LIMCH1: variants seen among roughly 807,000 people sequenced by gnomAD.
The protein encoded by LIMCH1 is LIM and calponin homology domains 1.
A neutral mutation model predicts 176.5 loss-of-function variants in LIMCH1; 113 were observed. That is an observed-to-expected ratio of 0.64 (90% CI 0.55 to 0.75). LIMCH1 has a LOEUF of 0.75. Among genes scored for constraint, LIMCH1 ranks in the 30% least tolerant of loss-of-function variants. The probability of loss-of-function intolerance (pLI) is 0.00; values close to 1 mark genes in which losing one functional copy is unlikely to be tolerated. For missense variants in LIMCH1, 1,674 were observed against 1,814.9 expected, an observed-to-expected ratio of 0.92 and a Z score of 1.41; for synonymous variants, 619 against 645.9, an observed-to-expected ratio of 0.96 and a Z score of 0.63.
intron 1 of LIMCH1, among the ~76,000 whole-genome samples, chr4:41,404,396 A>G (rs941426151): frequency 6.6e-6 from 1 of 152,166 alleles, no homozygotes; most frequent in Admixed American, 6.5e-5. Flanking sequence ...TTCTTGAGAA[A>G]GAGTGATATC....
chr4:41,586,116 C>T (rs1393722562), intron 1 of LIMCH1, among the ~76,000 whole-genome samples: 2 of 143,128 alleles, frequency 1.4e-5, no homozygotes, highest in African/African-American at 2.6e-5. Flanking sequence ...CTCCTCTCCC[C>T]TTCCCTTTTT....
At chr4:41,488,274 A>C (rs2070085672) in intron 1 of LIMCH1, among the ~76,000 whole-genome samples, 1 of 152,250 alleles carries the variant, frequency 6.6e-6, no homozygotes, top group Non-Finnish European at 1.5e-5. Flanking sequence ...AGAGAGGCTT[A>C]GTGATGTTTC....
intron 4 of LIMCH1, among the ~76,000 whole-genome samples, chr4:41,608,004 C>G (rs1179040363): frequency 5.3e-5 from 8 of 152,126 alleles, no homozygotes; most frequent in Non-Finnish European, 1.2e-4. Context: ...ACACAAAAGC[C>G]TCAAAATAAC....
intron 1 of LIMCH1, among the ~76,000 whole-genome samples, chr4:41,574,544 C>T (rs2084130470): frequency 6.6e-6 from 1 of 151,976 alleles, no homozygotes; most frequent in Admixed American, 6.6e-5. Context: ...CTGCCTCAGT[C>T]TCCCAAAGTG....
At position 41,643,904 on chromosome 4, in the gene LIMCH1, T is replaced by C. The variant is rs371404047; in HGVS notation, c.2127-596T>C. On this transcript the variant is annotated intron_variant, in intron 14 of 31. Transcript: ENST00000503057. ...GAACATATACATCAGCCATCCATAGTTGTCAGATGCATCTAAAATTCAATA... is the reference window on the plus strand; with the variant it reads ...GAACATATACATCAGCCATCCATAGCTGTCAGATGCATCTAAAATTCAATA... Among the ~76,000 whole-genome samples the C allele has an allele frequency of 1.4e-4, 21 of 152,300 alleles. No homozygotes were observed. The South Asian group carries it at 4.4e-3, about 32-fold the overall frequency.
intron 1 of LIMCH1, among the ~76,000 whole-genome samples, chr4:41,564,731 C>T (rs1430624439): frequency 6.6e-6 from 1 of 152,140 alleles, no homozygotes; most frequent in Non-Finnish European, 1.5e-5. Context: ...TCTGTATCCC[C>T]ACCCAAATCT....
At chr4:41,546,933 A>G (rs2079516121) in intron 1 of LIMCH1, among the ~76,000 whole-genome samples, 1 of 152,284 alleles carries the variant, frequency 6.6e-6, no homozygotes, top group East Asian at 1.9e-4. Context: ...TCAGGTCTTT[A>G]CTACTGGAAG....
intron 14 of LIMCH1, 115 bp from the exon 15 acceptor site, chr4:41,644,385 A>C: frequency 7.7e-7 from 1 of 1,298,378 alleles, no homozygotes; most frequent in East Asian, 3.0e-5. Flanking sequence ...GCAGCCCGGG[A>C]AGGGGGCAGT....
intron 2 of LIMCH1, among the ~76,000 whole-genome samples, chr4:41,503,297 G>A (rs988684925): frequency 6.6e-6 from 1 of 152,082 alleles, no homozygotes; most frequent in Non-Finnish European, 1.5e-5. Context: ...CCCTTGCTTG[G>A]AGCCAGGACG....
At chr4:41,647,455 G>A (rs1031922691) in intron 17 of LIMCH1, among the ~76,000 whole-genome samples, 5 of 152,198 alleles carry the variant, frequency 3.3e-5, no homozygotes, top group African/African-American at 1.2e-4. Context: ...TAAACAAGTG[G>A]AAAGAAACTG....
intron 1 of LIMCH1, among the ~76,000 whole-genome samples, chr4:41,558,467 C>A (rs1287974906): frequency 6.6e-6 from 1 of 152,160 alleles, no homozygotes; most frequent in Non-Finnish European, 1.5e-5. Flanking sequence ...CAGCATGTTA[C>A]AATCCATATT....
chr4:41,699,382 T>C lies in LIMCH1; in HGVS notation c.*2197T>C, dbSNP rs1732228775. ...AAATGTGCTTTCCCATAATGAACAC[T>C]AGTCACCAGCACAGAATAATCTCCA... is the stretch of plus-strand genomic sequence containing the variant. On this transcript the variant is annotated 3_prime_UTR_variant, in exon 32 of 32. Transcript: ENST00000503057. The C allele has an allele frequency of 6.6e-6, 1 of 152,166 alleles. No homozygotes were observed. The highest frequency in any genetic ancestry group is 2.1e-4 in the South Asian group (1 of 4,824). The allele number at this position is 152,166 out of a possible 1,614,324, so 9.4% of individuals were successfully genotyped here. A position where few individuals can be genotyped will look rare whatever the true frequency, so the allele number is the denominator to read the frequency against.
intron 7 of LIMCH1, 103 bp downstream of exon 7, chr4:41,620,793 G>T (rs1051491825): frequency 7.6e-7 from 1 of 1,309,446 alleles, no homozygotes. Context: ...TCCACTTCCC[G>T]CTTTTCCTAT....
chr4:41,559,926 A>G (rs1281141079), intron 1 of LIMCH1, among the ~76,000 whole-genome samples: 1 of 151,880 alleles, frequency 6.6e-6, no homozygotes, highest in African/African-American at 2.4e-5. Context: ...ATGCTAAGGA[A>G]CCCCAAGTCC....
chr4:41,465,857 G>A (rs1055149911), intron 1 of LIMCH1, among the ~76,000 whole-genome samples: 7 of 151,794 alleles, frequency 4.6e-5, no homozygotes, highest in South Asian at 2.1e-4. Flanking sequence ...ATACCCATTC[G>A]TTGTATCTAT....
At chr4:41,494,440 T>C in intron 1 of LIMCH1, 1 of 778,476 alleles carries the variant, frequency 1.3e-6, no homozygotes, top group Admixed American at 2.3e-5. Context: ...TAGTTATATA[T>C]ATGTACACAC....
chr4:41,653,351 A>AAG (rs11413056), intron 18 of LIMCH1, among the ~76,000 whole-genome samples: 4 of 150,060 alleles, frequency 2.7e-5, no homozygotes, highest in African/African-American at 9.8e-5. Flanking sequence ...AAAAAAAAAA[A>AAG]GGAATTAATT....
chr4:41,411,821 G>A (rs2059509584), intron 1 of LIMCH1, among the ~76,000 whole-genome samples: 1 of 151,798 alleles, frequency 6.6e-6, no homozygotes, highest in Non-Finnish European at 1.5e-5. Flanking sequence ...AGCCCGGCGT[G>A]GTGGCAGGTG....
intron 2 of LIMCH1, among the ~76,000 whole-genome samples, chr4:41,520,444 A>G (rs2076007805): frequency 6.6e-6 from 1 of 152,142 alleles, no homozygotes; most frequent in African/African-American, 2.4e-5. Flanking sequence ...CCTTCAGACC[A>G]TACAATTAGA....
Sources: allele counts gnomAD v4.1 joint callset (sites outside exome capture counted in the v4.1 genomes callset), GRCh38; gene constraint gnomAD v4.1.1; transcripts MANE v1.5; gene names NCBI Gene and HGNC (gene_info 2026-07-23, HGNC 2026-07-21).